PPP1R7: variants seen among roughly 807,000 people sequenced by gnomAD.
The protein encoded by PPP1R7 is protein phosphatase 1 regulatory subunit 22.
PPP1R7 carries 18 observed loss-of-function variants against 45.2 expected under a neutral mutation model. That is an observed-to-expected ratio of 0.40 (90% CI 0.28 to 0.59). PPP1R7 has a LOEUF of 0.59. Among genes scored for constraint, PPP1R7 ranks in the 20% least tolerant of loss-of-function variants. The pLI is 0.46. For synonymous variants in PPP1R7, 181 were observed against 183.4 expected, an observed-to-expected ratio of 0.99 and a Z score of 0.11; for missense variants, 314 against 455.8, an observed-to-expected ratio of 0.69 and a Z score of 2.83.
Position 241,166,191 on chromosome 2 carries a change from C to T in PPP1R7, c.715-146C>T, listed in dbSNP as rs189882883. On this transcript the variant is annotated intron_variant, in intron 7 of 9. Transcript: ENST00000234038. ...TGCTGGGATTACAGGCATGAGCCAC[C>T]GCGCCCGGCCCCATTCTAGCATGTT... 1,273 of 614,056 alleles carry T rather than the reference C, an allele frequency of 2.1e-3. 11 individuals carry two copies. The African/African-American group carries it at 0.021, about 10-fold the overall frequency. 38.0% of individuals were successfully genotyped at this position (614,056 alleles called of 1,614,324 possible). A position where few individuals can be genotyped will look rare whatever the true frequency, so the allele number is the denominator to read the frequency against.
chr2:241,163,734 G>A lies in PPP1R7; in HGVS notation c.714+333G>A, dbSNP rs111245271. 1.3e-3 allele frequency among the ~76,000 whole-genome samples: 198 copies of A among 152,046 alleles called. 2 individuals are homozygous for A. Among genetic ancestry groups the A allele is most frequent in the African/African-American group, 4.5e-3 (186 of 41,474 alleles). On this transcript the variant is annotated intron_variant, in intron 7 of 9. Transcript: ENST00000234038. ...GCTTCCCACCTCAGCCTACCAAGTCGGTAGGACTACAGGCATGCACCACGA... is the reference window on the plus strand; with the variant it reads ...GCTTCCCACCTCAGCCTACCAAGTCAGTAGGACTACAGGCATGCACCACGA...
At chr2:241,165,697 C>A (rs2067689341) in intron 7 of PPP1R7, among the ~76,000 whole-genome samples, 1 of 150,914 alleles carries the variant, frequency 6.6e-6, no homozygotes, top group African/African-American at 2.4e-5. Flanking sequence ...AGGTTTACGC[C>A]ATTCTCCTGC....
At chr2:241,150,666 C>T (rs1042998667) in intron 1 of PPP1R7, 119 bp downstream of exon 1, 1 of 1,312,888 alleles carries the variant, frequency 7.6e-7, no homozygotes, top group Non-Finnish European at 9.8e-7. Context: ...GCCGCGCGGC[C>T]CCCTGACAGC....
At chr2:241,167,093 C>A (rs370988470) in intron 8 of PPP1R7, 9 of 1,610,056 alleles carry the variant, frequency 5.6e-6, no homozygotes, top group Admixed American at 3.3e-5. Flanking sequence ...ACAGAGCCCC[C>A]ACCCTCCTCA....
At position 241,182,715 on chromosome 2, in the gene PPP1R7, A is replaced by G. The variant is rs113069444; in HGVS notation, c.975A>G (p.Thr325=). 2.0e-3 allele frequency: 3,254 copies of G among 1,614,162 alleles called. 10 individuals are homozygous for G. The highest frequency in any genetic ancestry group is 1.9e-3 in the Non-Finnish European group (2,184 of 1,180,028). Residue 325 remains threonine, a synonymous_variant, in exon 10 of 10, where the codon ACA becomes ACG. Coordinates refer to ENST00000234038, the MANE Select transcript of PPP1R7 (RefSeq NM_002712.3). The part of the protein sequence containing the change: ...DELKGARSLE[T]VYLERNPLQK... Reference sequence around the variant, plus strand: ...TGAAGGGAGCCAGGAGCCTGGAGACAGTGTACCTGGAGCGGAACCCCTTGC... The same window carrying G: ...TGAAGGGAGCCAGGAGCCTGGAGACGGTGTACCTGGAGCGGAACCCCTTGC...
chr2:241,157,995 T>C (rs887961524), intron 3 of PPP1R7, 133 bp downstream of exon 3: 5 of 854,442 alleles, frequency 5.9e-6, no homozygotes, highest in Admixed American at 4.9e-5. Flanking sequence ...GAGTCCCGTG[T>C]TCATGTTTTT....
intron 4 of PPP1R7, chr2:241,158,750 G>T (rs999400423): frequency 3.5e-6 from 2 of 568,764 alleles, no homozygotes; most frequent in Non-Finnish European, 6.3e-6. Flanking sequence ...CACAGCCCTG[G>T]GGCTGGCTCT....
intron 4 of PPP1R7, 76 bp from the exon 5 acceptor site, chr2:241,159,137 G>C: frequency 6.6e-7 from 1 of 1,516,788 alleles, no homozygotes; most frequent in East Asian, 2.3e-5. Context: ...CCTTTCTTGT[G>C]TCCTCCAGTA....
intron 9 of PPP1R7, among the ~76,000 whole-genome samples, chr2:241,176,494 G>T (rs1240260717): frequency 7.0e-6 from 1 of 141,992 alleles, no homozygotes; most frequent in East Asian, 2.0e-4. Context: ...CTTTGCTCCT[G>T]TCGTCCAGGC....
Position 241,182,622 on chromosome 2 carries a change from G to C in PPP1R7, c.907-25G>C, listed in dbSNP as rs12465895. ...AGGGCTGGGCTGTTTGGTTCTAAAG[G>C]CTTTTCTGCTGTGTGTGTCCCCAGA... On this transcript the variant is annotated intron_variant, in intron 9 of 9. Transcript: ENST00000234038. 35,592 of 1,612,638 alleles carry C rather than the reference G, an allele frequency of 0.022. 2,879 individuals are homozygous for C. The East Asian group carries it at 0.23, about 10-fold the overall frequency.
At chr2:241,181,367 C>T (rs1260743776) in intron 9 of PPP1R7, among the ~76,000 whole-genome samples, 2 of 152,152 alleles carry the variant, frequency 1.3e-5, no homozygotes, top group South Asian at 2.1e-4. Flanking sequence ...AAATATGAAA[C>T]AACTCTATTC....
At chr2:241,159,554 C>T (rs2067539070) in intron 5 of PPP1R7, among the ~76,000 whole-genome samples, 1 of 152,234 alleles carries the variant, frequency 6.6e-6, no homozygotes, top group Non-Finnish European at 1.5e-5. Flanking sequence ...CTTTGGCTTC[C>T]TGAACAATCC....
chr2:241,170,735 TC>T (rs1197688587), intron 9 of PPP1R7, among the ~76,000 whole-genome samples: 1 of 152,220 alleles, frequency 6.6e-6, no homozygotes, highest in Non-Finnish European at 1.5e-5. Context: ...CATCCAAGTT[TC>T]CCTAGAACAC....
At chr2:241,162,958 C>T (rs754546355) in intron 6 of PPP1R7, among the ~76,000 whole-genome samples, 7 of 152,098 alleles carry the variant, frequency 4.6e-5, no homozygotes, top group Non-Finnish European at 4.4e-5. Flanking sequence ...GGGATTTCCA[C>T]GCCCGACAGG....
chr2:241,180,020 G>C (rs1324650263), intron 9 of PPP1R7, among the ~76,000 whole-genome samples: 1 of 152,182 alleles, frequency 6.6e-6, no homozygotes, highest in African/African-American at 2.4e-5. Flanking sequence ...GACTAATAAT[G>C]ACATTGGAAA....
At chr2:241,158,632 TGTG>T in intron 4 of PPP1R7, 83 bp downstream of exon 4, 1 of 1,386,462 alleles carries the variant, frequency 7.2e-7, no homozygotes, top group South Asian at 1.2e-5. Flanking sequence ...AGTCCTGAGT[TGTG>T]GTCCTTGTCC....
At position 241,153,504 on chromosome 2, in the gene PPP1R7, C is replaced by T. The variant is rs200666170; in HGVS notation, c.81C>T (p.Ser27=). ...EVDRRVESEE[S]GDEEGKKHSS... ...ACAGGCGGGTCGAGTCTGAAGAATC[C>T]GGCGATGAAGAAGGGAAGAAACACA... The change falls in exon 2 of 10, where the codon TCC becomes TCT. Residue 27 remains serine (S), a synonymous_variant. Coordinates refer to ENST00000234038, the MANE Select transcript of PPP1R7 (RefSeq NM_002712.3). The T allele has an allele frequency of 8.1e-5, 130 of 1,614,040 alleles. 1 individual carries two copies. The highest frequency in any genetic ancestry group is 1.3e-4 in the Admixed American group (8 of 59,992).
At chr2:241,159,687 G>A (rs1037789645) in intron 5 of PPP1R7, among the ~76,000 whole-genome samples, 2 of 152,144 alleles carry the variant, frequency 1.3e-5, no homozygotes, top group Non-Finnish European at 2.9e-5. Flanking sequence ...CTTGCCTTTT[G>A]AATACTCTTT....
At chr2:241,180,603 G>A (rs998877672) in intron 9 of PPP1R7, among the ~76,000 whole-genome samples, 6 of 152,104 alleles carry the variant, frequency 3.9e-5, no homozygotes, top group African/African-American at 1.2e-4. Flanking sequence ...ACCAGTGACC[G>A]GCCAATCACA....
Sources: gnomAD v4.1 joint callset for allele counts (sites outside exome capture counted in the v4.1 genomes callset) on GRCh38, gnomAD v4.1.1 for gene constraint, MANE v1.5 for transcripts, NCBI Gene and HGNC (gene_info 2026-07-23, HGNC 2026-07-21) for gene names.